Variants in SNX29 observed in about 807,000 individuals in gnomAD.
The protein encoded by SNX29 is sorting nexin 29, also known as sorting nexin-29.
In SNX29, 78 loss-of-function variants were observed where a neutral mutation model predicts 102.1. The ratio of observed to expected loss-of-function variants is 0.76; its 90% CI spans 0.64 to 0.92. The LOEUF is 0.92. Ranked by LOEUF, SNX29 falls within the 40% of genes least tolerant of loss-of-function variation. The probability of loss-of-function intolerance (pLI) is 0.00; values close to 1 mark genes in which losing one functional copy is unlikely to be tolerated. For synonymous variants in SNX29, 580 were observed against 414.5 expected (o/e 1.40, Z -4.85); for missense variants, 1,280 against 1,061.7 (o/e 1.21, Z -2.86).
At chr16:12,336,961 A>T (rs2081470011) in intron 15 of SNX29, among the ~76,000 whole-genome samples, 2 of 152,174 alleles carry the variant, frequency 1.3e-5, no homozygotes, top group Admixed American at 1.3e-4. Context: ...CAAACAAACA[A>T]ACAAAAAACA....
intron 19 of SNX29, among the ~76,000 whole-genome samples, chr16:12,518,349 C>T (rs958254585): frequency 6.6e-5 from 10 of 152,198 alleles, no homozygotes; most frequent in Non-Finnish European, 1.0e-4. Flanking sequence ...GCCGCTAAAC[C>T]CAGCCACACC....
At chr16:12,224,503 C>A (rs1419329519) in intron 14 of SNX29, among the ~76,000 whole-genome samples, 8 of 152,168 alleles carry the variant, frequency 5.3e-5, no homozygotes, top group African/African-American at 1.9e-4. Context: ...GCAGCTGGAG[C>A]ACCGTGTGGA....
chr16:12,569,254 A>G lies in SNX29; in HGVS notation c.*625A>G, dbSNP rs1036749455. On this transcript the variant is annotated 3_prime_UTR_variant, in exon 21 of 21. Coordinates refer to ENST00000566228, the MANE Select transcript of SNX29 (RefSeq NM_032167.5). The stretch of plus-strand genomic sequence containing the variant: ...TGGCTTTGGCAAGGAGCCATTAGTG[A>G]TGTGCAACTTGAGTTCAGAGAACTT... 3.5e-5 allele frequency: 8 copies of G among 225,814 alleles called. No homozygotes were observed. Among genetic ancestry groups the G allele is most frequent in the African/African-American group, 1.8e-4 (8 of 44,756 alleles). 14.0% of individuals were successfully genotyped at this position (225,814 alleles called of 1,614,324 possible). A position where few individuals can be genotyped will look rare whatever the true frequency, so the allele number is the denominator to read the frequency against.
At chr16:12,129,046 A>G (rs1238274848) in intron 12 of SNX29, among the ~76,000 whole-genome samples, 1 of 152,234 alleles carries the variant, frequency 6.6e-6, no homozygotes, top group Non-Finnish European at 1.5e-5. Context: ...TATCTCTGCT[A>G]TCTCAGATGC....
intron 15 of SNX29, among the ~76,000 whole-genome samples, chr16:12,349,941 AAC>A (rs1391068488): frequency 6.6e-5 from 10 of 152,224 alleles, no homozygotes; most frequent in African/African-American, 2.4e-4. Context: ...ATCACCAAAA[AAC>A]AGTCTAGAAA....
At chr16:12,429,953 C>G (rs2085244420) in intron 18 of SNX29, among the ~76,000 whole-genome samples, 1 of 152,306 alleles carries the variant, frequency 6.6e-6, no homozygotes, top group African/African-American at 2.4e-5. Context: ...TTCAAGGGTC[C>G]TAAACTGGTA....
intron 13 of SNX29, among the ~76,000 whole-genome samples, chr16:12,137,099 C>T (rs1299165464): frequency 6.6e-6 from 1 of 152,178 alleles, no homozygotes; most frequent in Non-Finnish European, 1.5e-5. Flanking sequence ...CCATGATTGA[C>T]AGTCTTACCA....
At chr16:12,036,744 A>G (rs2151157205) in intron 4 of SNX29, among the ~76,000 whole-genome samples, 1 of 152,272 alleles carries the variant, frequency 6.6e-6, no homozygotes, top group Non-Finnish European at 1.5e-5. Flanking sequence ...GCTGTGGAGC[A>G]CAGGTGTTGC....
intron 14 of SNX29, among the ~76,000 whole-genome samples, chr16:12,218,601 T>C (rs1406810807): frequency 6.6e-6 from 1 of 152,192 alleles, no homozygotes; most frequent in African/African-American, 2.4e-5. Flanking sequence ...TCAACCTTGC[T>C]TTTTTCAGGT....
At chr16:12,180,576 C>T (rs868810564) in intron 13 of SNX29, among the ~76,000 whole-genome samples, 9 of 152,012 alleles carry the variant, frequency 5.9e-5, no homozygotes, top group African/African-American at 1.2e-4. Context: ...CTACGCCTCC[C>T]GGGTTCACGC....
intron 15 of SNX29, among the ~76,000 whole-genome samples, chr16:12,315,207 A>C (rs973042327): frequency 6.6e-6 from 1 of 152,168 alleles, no homozygotes; most frequent in Non-Finnish European, 1.5e-5. Context: ...ACCGGGCTTC[A>C]GTGGGGCCTC....
At chr16:12,366,418 TG>T (rs1221752832) in intron 16 of SNX29, among the ~76,000 whole-genome samples, 1 of 152,224 alleles carries the variant, frequency 6.6e-6, no homozygotes, top group East Asian at 1.9e-4. Context: ...TTAAATGTCA[TG>T]TTTTTTTATT....
Position 12,564,045 on chromosome 16 carries a change from G to A in SNX29, c.2319-4461G>A, listed in dbSNP as rs532339327. Among the ~76,000 whole-genome samples the A allele has an allele frequency of 2.7e-5, 4 of 146,370 alleles. No individual in the cohort carries two copies. In the East Asian group the frequency reaches 7.3e-4, roughly 27 times the overall value. On this transcript the variant is annotated intron_variant, in intron 20 of 20. Coordinates refer to ENST00000566228, the MANE Select transcript of SNX29 (RefSeq NM_032167.5). ...AGTTGAGGAGTTGCACCGGTAAAAG[G>A]TTGTGGTTTGGCAACGATGCTGTAT...
chr16:12,407,710 G>A (rs1293895119), intron 18 of SNX29, among the ~76,000 whole-genome samples: 1 of 152,202 alleles, frequency 6.6e-6, no homozygotes, highest in Non-Finnish European at 1.5e-5. Flanking sequence ...AAGGCACAGA[G>A]AAGCATCTCA....
At chr16:12,567,095 A>C (rs1414274331) in intron 20 of SNX29, among the ~76,000 whole-genome samples, 1 of 152,250 alleles carries the variant, frequency 6.6e-6, no homozygotes, top group Non-Finnish European at 1.5e-5. Flanking sequence ...GAGGGGAATG[A>C]TTTCTTTATG....
intron 14 of SNX29, among the ~76,000 whole-genome samples, chr16:12,207,010 TTTC>T (rs2077061912): frequency 1.3e-5 from 2 of 152,038 alleles, no homozygotes; most frequent in South Asian, 4.2e-4. Context: ...AAGGTGCACT[TTTC>T]TTCTTGAATC....
At chr16:12,240,038 C>T (rs1157014794) in intron 14 of SNX29, among the ~76,000 whole-genome samples, 3 of 152,176 alleles carry the variant, frequency 2.0e-5, no homozygotes, top group Admixed American at 6.5e-5. Flanking sequence ...TGCATTCTCT[C>T]GTTTCACTTG....
At chr16:12,206,013 A>G (rs2077035639) in intron 14 of SNX29, among the ~76,000 whole-genome samples, 1 of 152,156 alleles carries the variant, frequency 6.6e-6, no homozygotes, top group African/African-American at 2.4e-5. Flanking sequence ...AAATTCATAG[A>G]CCTTTCTTCT....
At chr16:12,528,745 A>G (rs1417352366) in intron 20 of SNX29, among the ~76,000 whole-genome samples, 1 of 152,100 alleles carries the variant, frequency 6.6e-6, no homozygotes, top group East Asian at 1.9e-4. Context: ...CCTCCATTTG[A>G]ATCTGTGGAC....
Sources: allele counts gnomAD v4.1 joint callset (sites outside exome capture counted in the v4.1 genomes callset), GRCh38; gene constraint gnomAD v4.1.1; transcripts MANE v1.5; gene names NCBI Gene and HGNC (gene_info 2026-07-23, HGNC 2026-07-21).